LOXL2: variants seen among roughly 807,000 people sequenced by gnomAD.
The protein encoded by LOXL2 is lysyl oxidase like 2.
In LOXL2, 70 loss-of-function variants were observed where a neutral mutation model predicts 93.0. That is an observed-to-expected ratio of 0.75 (90% CI 0.62 to 0.92). The LOEUF is 0.92. Ranked by LOEUF, LOXL2 falls within the 40% of genes least tolerant of loss-of-function variation. The pLI, the probability that LOXL2 is intolerant of heterozygous loss-of-function variation, is 0.00. For missense variants in LOXL2, 973 were observed against 1,054.9 expected (o/e 0.92, Z 1.08); for synonymous variants, 438 against 413.2 (o/e 1.06, Z -0.73).
chr8:23,378,094 T>C (rs779834764), intron 1 of LOXL2, among the ~76,000 whole-genome samples: 4 of 152,230 alleles, frequency 2.6e-5, no homozygotes, highest in Non-Finnish European at 5.9e-5. Flanking sequence ...TTCCTTTCCA[T>C]GTTTAGTGCT....
chr8:23,327,262 C>A (rs918489700), intron 6 of LOXL2, among the ~76,000 whole-genome samples: 1 of 152,208 alleles, frequency 6.6e-6, no homozygotes, highest in African/African-American at 2.4e-5. Context: ...GAAAGCTCTA[C>A]GGTCTTTGAC....
At chr8:23,341,255 A>G in intron 3 of LOXL2, 52 bp from the exon 4 acceptor site, 1 of 1,418,036 alleles carries the variant, frequency 7.1e-7, no homozygotes, top group Non-Finnish European at 1.0e-6. Flanking sequence ...GCCTGGCTGC[A>G]GAGACACCAG....
rs989661006 is a variant in LOXL2, at chr8:23,328,854, T to C, written c.967-289A>G. ...CTGTCCTGGTCCCCTGGGGAGCCCA[T>C]TGGGGACCGTCGATCACTCATCACC... is the stretch of plus-strand genomic sequence containing the variant. On this transcript the variant is annotated intron_variant, in intron 5 of 13. Coordinates refer to ENST00000389131, the MANE Select transcript of LOXL2 (RefSeq NM_002318.3). 100 of 360,780 alleles carry C rather than the reference T, an allele frequency of 2.8e-4. 1 individual carries two copies. Among genetic ancestry groups the C allele is most frequent in the East Asian group, 2.7e-4 (5 of 18,332 alleles). 22.3% of individuals were successfully genotyped at this position (360,780 alleles called of 1,614,324 possible).
At chr8:23,355,624 T>C (rs1804185345) in intron 3 of LOXL2, among the ~76,000 whole-genome samples, 1 of 150,468 alleles carries the variant, frequency 6.6e-6, no homozygotes, top group African/African-American at 2.4e-5. Flanking sequence ...TTTTTTTTTT[T>C]GAGACAGGGT....
chr8:23,328,709 ATGTGTGTGTGTGTG>A (rs60768341), intron 5 of LOXL2, 144 bp from the exon 6 acceptor site: 30 of 460,368 alleles, frequency 6.5e-5, no homozygotes, highest in South Asian at 5.1e-4. Flanking sequence ...TGATGTATGG[ATGTGTGTGTGTGTG>A]TGTGTGTGTG....
chr8:23,356,526 A>G (rs1416690357), intron 3 of LOXL2, among the ~76,000 whole-genome samples: 6 of 152,210 alleles, frequency 3.9e-5, no homozygotes, highest in Admixed American at 3.9e-4. Flanking sequence ...AAAGCCCTGG[A>G]TGCAAGAATC....
In LOXL2 at chr8:23,303,344, C is replaced by T. The variant is rs762398133; in HGVS notation, c.1934G>A (p.Gly645Asp). The change falls in exon 11 of 14, where the codon GGC (glycine) becomes GAC (aspartate). Residue 645 changes from glycine to aspartate, a missense_variant. Gly to Asp is a moderately conservative substitution (Grantham distance 94, BLOSUM62 -1). Coordinates refer to ENST00000389131, the MANE Select transcript of LOXL2 (RefSeq NM_002318.3). ...CTTGTGGCCCTCTGCCACCTTGGTGCCATTGAGGTTCAGCAGGTCATAGTG... is the reference window on the plus strand; with the variant it reads ...CTTGTGGCCCTCTGCCACCTTGGTGTCATTGAGGTTCAGCAGGTCATAGTG... Reference protein sequence around the residue: ...FTHYDLLNLNGTKVAEGHKAS... With the variant: ...FTHYDLLNLNDTKVAEGHKAS... The T allele has an allele frequency of 6.2e-7, 1 of 1,613,646 alleles. No individual in the cohort carries two copies.
chr8:23,353,732 T>C (rs1356284336), intron 3 of LOXL2, among the ~76,000 whole-genome samples: 2 of 152,184 alleles, frequency 1.3e-5, no homozygotes, highest in Non-Finnish European at 2.9e-5. Flanking sequence ...TTTAGAGAAA[T>C]CATCTGATTT....
At chr8:23,301,988 T>A in intron 12 of LOXL2, 39 bp downstream of exon 12, 1 of 1,610,138 alleles carries the variant, frequency 6.2e-7, no homozygotes, top group African/African-American at 1.3e-5. Context: ...CCTCCCCTCC[T>A]CCCCCTGCAG....
intron 3 of LOXL2, among the ~76,000 whole-genome samples, chr8:23,346,446 C>G (rs1803987107): frequency 6.6e-6 from 1 of 152,124 alleles, no homozygotes; most frequent in South Asian, 2.1e-4. Flanking sequence ...GCACCCGTTC[C>G]TAGAAGGGAA....
chr8:23,385,687 G>C (rs1453741071), intron 1 of LOXL2: 1 of 522,040 alleles, frequency 1.9e-6, no homozygotes, highest in Non-Finnish European at 3.4e-6. Context: ...CTCTCGTCTG[G>C]ATGAGCACTG....
At chr8:23,351,851 C>T (rs10110038) in intron 3 of LOXL2, among the ~76,000 whole-genome samples, 45,508 of 151,930 alleles carry the variant, frequency 0.3, 8,726 homozygotes, top group African/African-American at 0.54. Flanking sequence ...ATCTTTTTCT[C>T]TCTTTTTGAG....
At chr8:23,313,399 C>T (rs1200595712) in intron 9 of LOXL2, among the ~76,000 whole-genome samples, 1 of 152,110 alleles carries the variant, frequency 6.6e-6, no homozygotes, top group South Asian at 2.1e-4. Flanking sequence ...TCAAACTACA[C>T]TACAAGGCTA....
chr8:23,344,439 G>C (rs368069049), intron 3 of LOXL2, among the ~76,000 whole-genome samples: 3 of 152,106 alleles, frequency 2.0e-5, no homozygotes, highest in African/African-American at 7.2e-5. Context: ...GTGTGTGCTT[G>C]ATGGTCTGTG....
chr8:23,399,135 T>A (rs1800127988), intron 1 of LOXL2, among the ~76,000 whole-genome samples: 1 of 152,260 alleles, frequency 6.6e-6, no homozygotes, highest in Non-Finnish European at 1.5e-5. Flanking sequence ...ATTCCCGCCT[T>A]GTCTGTGGGC....
chr8:23,326,067 T>C (rs910760309), intron 6 of LOXL2, among the ~76,000 whole-genome samples: 1 of 152,210 alleles, frequency 6.6e-6, no homozygotes, highest in African/African-American at 2.4e-5. Context: ...GCTGTGGGTG[T>C]GGTCACTGAG....
intron 5 of LOXL2, chr8:23,331,897 G>C (rs60795561): frequency 6.6e-6 from 1 of 151,814 alleles, no homozygotes; most frequent in Non-Finnish European, 1.5e-5. Flanking sequence ...TTAGCGAGGC[G>C]TGGTGGCGGG....
At chr8:23,402,327 G>GCGTGCACACATGCATACACAAACGTGCA (rs1563213349) in intron 1 of LOXL2, among the ~76,000 whole-genome samples, 2 of 151,876 alleles carry the variant, frequency 1.3e-5, no homozygotes, top group Admixed American at 1.3e-4. Context: ...ACAAACGTGC[G>GCGTGCACACATGCATACACAAACGTGCA]CGCGTGCACA....
At chr8:23,397,379 C>A (rs1221526742) in intron 1 of LOXL2, among the ~76,000 whole-genome samples, 1 of 152,132 alleles carries the variant, frequency 6.6e-6, no homozygotes, top group Non-Finnish European at 1.5e-5. Flanking sequence ...TATTTTACCA[C>A]AATAAACACA....
Sources: gnomAD v4.1 joint callset for allele counts (sites outside exome capture counted in the v4.1 genomes callset) on GRCh38, gnomAD v4.1.1 for gene constraint, MANE v1.5 for transcripts, NCBI Gene and HGNC (gene_info 2026-07-23, HGNC 2026-07-21) for gene names.